ARHGAP5: variants seen among roughly 807,000 people sequenced by gnomAD.
ARHGAP5 encodes rho GTPase-activating protein 5.
ARHGAP5 carries 23 observed loss-of-function variants against 116.6 expected under a neutral mutation model. The observed-to-expected ratio is 0.20, with a 90% CI of 0.14 to 0.28. The LOEUF is 0.28. Among genes scored for constraint, ARHGAP5 ranks in the 10% least tolerant of loss-of-function variants. The probability of loss-of-function intolerance (pLI) is 1.00; values close to 1 mark genes in which losing one functional copy is unlikely to be tolerated. For synonymous variants in ARHGAP5, 574 were observed against 602.0 expected, an observed-to-expected ratio of 0.95 and a Z score of 0.68; for missense variants, 1,405 against 1,774.8, an observed-to-expected ratio of 0.79 and a Z score of 3.74.
intron 3 of ARHGAP5, among the ~76,000 whole-genome samples, chr14:32,142,267 CT>C (rs1881160960): frequency 6.6e-6 from 1 of 151,998 alleles, no homozygotes; most frequent in Non-Finnish European, 1.5e-5. Context: ...CTCTAAATTT[CT>C]TTTTTTCCTG....
At chr14:32,098,931 A>G (rs918472537) in intron 2 of ARHGAP5, among the ~76,000 whole-genome samples, 1 of 152,182 alleles carries the variant, frequency 6.6e-6, no homozygotes, top group African/African-American at 2.4e-5. Flanking sequence ...ACTCGGTTAC[A>G]GTGTGAAGAA....
At chr14:32,136,610 G>C (rs1880816440) in intron 3 of ARHGAP5, among the ~76,000 whole-genome samples, 1 of 152,130 alleles carries the variant, frequency 6.6e-6, no homozygotes. Context: ...TTGAATTCTT[G>C]AGGGTGTATG....
chr14:32,109,077 T>G (rs1879159703), intron 2 of ARHGAP5, among the ~76,000 whole-genome samples: 1 of 152,184 alleles, frequency 6.6e-6, no homozygotes, highest in African/African-American at 2.4e-5. Flanking sequence ...GCTTTTTGCC[T>G]TAGCAACTCC....
chr14:32,118,361 G>A (rs1398758168), intron 3 of ARHGAP5, among the ~76,000 whole-genome samples: 1 of 152,098 alleles, frequency 6.6e-6, no homozygotes, highest in Non-Finnish European at 1.5e-5. Context: ...TCTGGGCATT[G>A]TGGTTTGTGC....
chr14:32,115,488 C>T (rs139287521), intron 2 of ARHGAP5, among the ~76,000 whole-genome samples: 29 of 151,614 alleles, frequency 1.9e-4, no homozygotes, highest in African/African-American at 6.3e-4. Context: ...ACGGTGAAAC[C>T]GCGTCTCTAC....
chr14:32,134,500 A>G (rs966792508), intron 3 of ARHGAP5, among the ~76,000 whole-genome samples: 1 of 152,198 alleles, frequency 6.6e-6, no homozygotes, highest in African/African-American at 2.4e-5. Context: ...GCATGTGAAA[A>G]ATCTCACTTC....
At chr14:32,128,473 A>C (rs1274132871) in intron 3 of ARHGAP5, among the ~76,000 whole-genome samples, 1 of 152,182 alleles carries the variant, frequency 6.6e-6, no homozygotes, top group Non-Finnish European at 1.5e-5. Context: ...AAGTCCCTTC[A>C]CCTCGCTGGG....
intron 2 of ARHGAP5, among the ~76,000 whole-genome samples, chr14:32,113,392 T>C (rs1339244789): frequency 6.6e-6 from 1 of 152,244 alleles, no homozygotes. Flanking sequence ...CCCCTCCCCT[T>C]GTTATATGTA....
At chr14:32,110,705 G>C (rs997913941) in intron 2 of ARHGAP5, among the ~76,000 whole-genome samples, 4 of 152,148 alleles carry the variant, frequency 2.6e-5, no homozygotes, top group Non-Finnish European at 4.4e-5. Flanking sequence ...TAGAAGCAGG[G>C]GATATTAAGC....
At chr14:32,129,435 C>T (rs144730253) in intron 3 of ARHGAP5, among the ~76,000 whole-genome samples, 1,768 of 152,214 alleles carry the variant, frequency 0.012, 11 homozygotes, top group Non-Finnish European at 0.017. Flanking sequence ...ATCTTTAAAG[C>T]GTAGCAGTTA....
At chr14:32,104,138 T>G (rs572146372) in intron 2 of ARHGAP5, among the ~76,000 whole-genome samples, 20 of 152,268 alleles carry the variant, frequency 1.3e-4, no homozygotes, top group African/African-American at 4.6e-4. Flanking sequence ...ACTCCTTGTA[T>G]AAGATGAGAG....
At chr14:32,148,200 A>ATCTG (rs1881479645) in intron 4 of ARHGAP5, among the ~76,000 whole-genome samples, 1 of 151,192 alleles carries the variant, frequency 6.6e-6, no homozygotes, top group South Asian at 2.1e-4. Context: ...CTATCTATCT[A>ATCTG]TCTATCTATC....
At chr14:32,116,921 T>C (rs112158852) in intron 2 of ARHGAP5, among the ~76,000 whole-genome samples, 9,756 of 152,202 alleles carry the variant, frequency 0.064, 1,053 homozygotes, top group African/African-American at 0.22. Context: ...CCAAAGAGAA[T>C]ATTTTCTTTC....
Position 32,117,224 on chromosome 14 carries a change from G to A in ARHGAP5, c.3802G>A (p.Val1268Ile), listed in dbSNP as rs61731183. ...NYFGMPLQDLVTAEKPIPLFV... is the reference protein window; with the variant it reads ...NYFGMPLQDLITAEKPIPLFV... ...CTTTGGGATGCCCCTCCAGGATCTG[G>A]TTACAGCTGAGAAGCCCATACCACT... The change falls in exon 3 of 7, where the codon GTT becomes ATT. Residue 1268 changes from valine to isoleucine, a missense_variant. Physicochemically the swap from Val to Ile is conservative, Grantham distance 29 (BLOSUM62 3). Coordinates refer to ENST00000345122, the MANE Select transcript of ARHGAP5 (RefSeq NM_001030055.2). The A allele has an allele frequency of 3.0e-4, 484 of 1,611,744 alleles. 2 individuals are homozygous for A. The African/African-American group carries it at 5.8e-3, about 19-fold the overall frequency.
chr14:32,111,218 C>T (rs1281870090), intron 2 of ARHGAP5, among the ~76,000 whole-genome samples: 2 of 152,132 alleles, frequency 1.3e-5, no homozygotes, highest in East Asian at 1.9e-4. Flanking sequence ...GAACTATAAT[C>T]GTGCCACTGC....
Position 32,091,743 on chromosome 14 carries a change from T to C in ARHGAP5, c.1074T>C (p.His358=), listed in dbSNP as rs1878259320. The C allele has an allele frequency of 6.2e-7, 1 of 1,613,524 alleles. No individual in the cohort carries two copies. Among genetic ancestry groups the C allele is most frequent in the East Asian group, 2.2e-5 (1 of 44,866 alleles). Residue 358 remains histidine, a synonymous_variant, in exon 2 of 7, where the codon CAT becomes CAC. Transcript: ENST00000345122. ...TGCCAAATCTAGAAGAGATTGAACA[T>C]TTGAATTGGTCAGAAGCTTTGAAGT... ...TLLPNLEEIE[H]LNWSEALKLM... is the part of the protein sequence containing the mutation.
At chr14:32,143,448 C>T (rs939992037) in intron 3 of ARHGAP5, among the ~76,000 whole-genome samples, 1 of 152,062 alleles carries the variant, frequency 6.6e-6, no homozygotes, top group East Asian at 1.9e-4. Flanking sequence ...GTTTCACCCT[C>T]TTAGCCAGGA....
chr14:32,114,184 C>T (rs1177750458), intron 2 of ARHGAP5, among the ~76,000 whole-genome samples: 6 of 151,576 alleles, frequency 4.0e-5, no homozygotes, highest in Admixed American at 2.6e-4. Flanking sequence ...GCTGAGATCA[C>T]GCCACTGCAC....
chr14:32,118,035 T>C (rs1879693941), intron 3 of ARHGAP5, among the ~76,000 whole-genome samples: 1 of 152,228 alleles, frequency 6.6e-6, no homozygotes, highest in African/African-American at 2.4e-5. Context: ...GCTTTGTTAC[T>C]AATGAACCCT....
Sources: gnomAD v4.1 joint callset for allele counts (sites outside exome capture counted in the v4.1 genomes callset) on GRCh38, gnomAD v4.1.1 for gene constraint, MANE v1.5 for transcripts, NCBI Gene and HGNC (gene_info 2026-07-23, HGNC 2026-07-21) for gene names.